The following MTHFD2L variants were observed in gnomAD, a reference collection of about 807,000 sequenced individuals.
MTHFD2L encodes methylenetetrahydrofolate dehydrogenase (NADP+ dependent) 2 like, also known as bifunctional methylenetetrahydrofolate dehydrogenase/cyclohydrolase 2, mitochondrial.
A neutral mutation model predicts 34.9 loss-of-function variants in MTHFD2L; 29 were observed. The observed-to-expected ratio is 0.83, with a 90% CI of 0.62 to 1.13. The LOEUF is 1.13. MTHFD2L is among the 50% of genes most tolerant of loss of function. The probability of loss-of-function intolerance (pLI) is 0.00; values close to 1 mark genes in which losing one functional copy is unlikely to be tolerated. For missense variants in MTHFD2L, 481 were observed against 446.5 expected (o/e 1.08, Z -0.70); for synonymous variants, 167 against 155.7 (o/e 1.07, Z -0.54).
chr4:74,209,647 A>G (rs756476410), intron 5 of MTHFD2L, among the ~76,000 whole-genome samples: 2 of 152,222 alleles, frequency 1.3e-5, no homozygotes, highest in African/African-American at 4.8e-5. Context: ...TAGTGCTGCA[A>G]TAAACATATG....
chr4:74,298,288 C>G (rs1749870881), intron 7 of MTHFD2L, among the ~76,000 whole-genome samples: 1 of 151,968 alleles, frequency 6.6e-6, no homozygotes, highest in African/African-American at 2.4e-5. Flanking sequence ...TATTAATGTT[C>G]AGAGAAGCCC....
At chr4:74,196,349 A>G (rs1160873286) in intron 3 of MTHFD2L, among the ~76,000 whole-genome samples, 1 of 152,176 alleles carries the variant, frequency 6.6e-6, no homozygotes, top group African/African-American at 2.4e-5. Context: ...AGTTAATGCT[A>G]AGGGCTTGGG....
chr4:74,141,788 G>A (rs1723286993), intron 1 of MTHFD2L, among the ~76,000 whole-genome samples: 1 of 152,254 alleles, frequency 6.6e-6, no homozygotes, highest in South Asian at 2.1e-4. Flanking sequence ...GGAGCAGAAG[G>A]AAATAAGGCT....
At chr4:74,183,483 C>T (rs1015763822) in intron 3 of MTHFD2L, 3 of 152,222 alleles carry the variant, frequency 2.0e-5, no homozygotes, top group African/African-American at 7.2e-5. Context: ...GAAACCCCAT[C>T]TCTACTGAAA....
At chr4:74,288,187 A>G (rs1481346710) in intron 7 of MTHFD2L, 1 of 152,218 alleles carries the variant, frequency 6.6e-6, no homozygotes, top group African/African-American at 2.4e-5. Context: ...TTAAGACTTC[A>G]ACATCTGAAT....
chr4:74,238,015 A>G (rs1741104117), intron 6 of MTHFD2L, among the ~76,000 whole-genome samples: 1 of 152,320 alleles, frequency 6.6e-6, no homozygotes, highest in East Asian at 1.9e-4. Context: ...CAATGTGTTG[A>G]CTATCAGAAA....
intron 3 of MTHFD2L, among the ~76,000 whole-genome samples, chr4:74,189,226 T>G (rs1435248745): frequency 6.6e-6 from 1 of 152,162 alleles, no homozygotes. Flanking sequence ...TAATCCAATT[T>G]CTGCACTTGA....
At chr4:74,146,912 G>C (rs779932388) in intron 1 of MTHFD2L, among the ~76,000 whole-genome samples, 67 of 151,628 alleles carry the variant, frequency 4.4e-4, no homozygotes, top group Non-Finnish European at 8.1e-4. Context: ...TCTTCTGCTT[G>C]ACCTATTCTG....
chr4:74,170,547 T>C (rs1032712551), intron 1 of MTHFD2L, among the ~76,000 whole-genome samples: 1 of 152,130 alleles, frequency 6.6e-6, no homozygotes, highest in Non-Finnish European at 1.5e-5. Flanking sequence ...ATTTCTTTTA[T>C]ACAACACTAA....
chr4:74,163,668 A>G (rs1197535337), intron 1 of MTHFD2L, among the ~76,000 whole-genome samples: 2 of 152,194 alleles, frequency 1.3e-5, no homozygotes, highest in East Asian at 1.9e-4. Context: ...TTTTAATAAC[A>G]CACTTCAAAA....
intron 5 of MTHFD2L, among the ~76,000 whole-genome samples, chr4:74,204,762 T>C (rs1735012637): frequency 6.6e-6 from 1 of 152,210 alleles, no homozygotes; most frequent in African/African-American, 2.4e-5. Context: ...GGTTATCCTG[T>C]GAATTAAACA....
chr4:74,217,925 A>G (rs982308465), intron 5 of MTHFD2L, among the ~76,000 whole-genome samples: 6 of 152,134 alleles, frequency 3.9e-5, no homozygotes, highest in Non-Finnish European at 1.5e-5. Context: ...TCACATTAAC[A>G]ATCTGTCTTC....
intron 3 of MTHFD2L, among the ~76,000 whole-genome samples, chr4:74,188,858 ACT>A (rs1202046423): frequency 5.3e-5 from 8 of 150,698 alleles, no homozygotes; most frequent in Non-Finnish European, 1.0e-4. Context: ...ATCAAATTGT[ACT>A]CTCTAAATGT....
chr4:74,186,453 A>C (rs998186128), intron 3 of MTHFD2L, among the ~76,000 whole-genome samples: 26 of 150,718 alleles, frequency 1.7e-4, no homozygotes, highest in African/African-American at 6.3e-4. Flanking sequence ...AAAAAAAAAA[A>C]AAAAAACAGC....
chr4:74,198,187 G>C (rs1250748020), intron 3 of MTHFD2L, among the ~76,000 whole-genome samples: 1 of 152,144 alleles, frequency 6.6e-6, no homozygotes, highest in Admixed American at 6.5e-5. Flanking sequence ...TCTAGTTCTG[G>C]CTTCCAGATT....
At position 74,205,079 on chromosome 4, in the gene MTHFD2L, G is replaced by T. The variant is rs531337693; in HGVS notation, c.712+3709G>T. ...GTACCTGGGTGCCGTTAGAATTACA[G>T]TAACTAAAAGGTAACAAATTATACT... On this transcript the variant is annotated intron_variant, in intron 5 of 7. Transcript: ENST00000325278. 3.3e-5 allele frequency among the ~76,000 whole-genome samples: 5 copies of T among 152,234 alleles called. No individual in the cohort carries two copies. The South Asian group carries it at 1.0e-3, about 32-fold the overall frequency.
chr4:74,209,797 T>A (rs1287375848), intron 5 of MTHFD2L, among the ~76,000 whole-genome samples: 1 of 152,152 alleles, frequency 6.6e-6, no homozygotes, highest in Non-Finnish European at 1.5e-5. Context: ...TTGAACTAAT[T>A]TACACTCCCA....
At chr4:74,236,522 C>T (rs1176618254) in intron 6 of MTHFD2L, among the ~76,000 whole-genome samples, 3 of 152,224 alleles carry the variant, frequency 2.0e-5, no homozygotes, top group East Asian at 3.8e-4. Flanking sequence ...TATTCCTTCA[C>T]ACTTGTGGTA....
intron 7 of MTHFD2L, among the ~76,000 whole-genome samples, chr4:74,288,716 A>G (rs541192766): frequency 1.6e-4 from 24 of 152,280 alleles, no homozygotes; most frequent in Admixed American, 5.2e-4. Context: ...CTGAAGACAT[A>G]TCTTGGCTCA....
Sources: allele counts gnomAD v4.1 joint callset (sites outside exome capture counted in the v4.1 genomes callset), GRCh38; gene constraint gnomAD v4.1.1; transcripts MANE v1.5; gene names NCBI Gene and HGNC (gene_info 2026-07-23, HGNC 2026-07-21).